ZNF385C: variants seen among roughly 807,000 people sequenced by gnomAD.
ZNF385C encodes the protein zinc finger protein 385C, also known as CTD-2132N18.2.
In ZNF385C, 28 loss-of-function variants were observed where a neutral mutation model predicts 35.4. The ratio of observed to expected loss-of-function variants is 0.79; its 90% CI spans 0.59 to 1.08. ZNF385C has a LOEUF of 1.08. Among genes scored for constraint, ZNF385C ranks in the 50% least tolerant of loss-of-function variants. The pLI is 0.00. For missense variants in ZNF385C, 605 were observed against 595.6 expected (o/e 1.02, Z -0.16); for synonymous variants, 248 against 248.2 (o/e 1.00, Z 0.01).
intron 2 of ZNF385C, among the ~76,000 whole-genome samples, chr17:42,056,009 T>G (rs1336177200): frequency 6.6e-6 from 1 of 152,208 alleles, no homozygotes; most frequent in Non-Finnish European, 1.5e-5. Flanking sequence ...ATAGTCTGAC[T>G]CGATCTCTGC....
In ZNF385C at chr17:42,027,547, C is replaced by T. The variant is rs181190891; in HGVS notation, c.1275+71G>A. On this transcript the variant is annotated intron_variant, in intron 8 of 8. Coordinates refer to ENST00000692273, the MANE Select transcript of ZNF385C (RefSeq NM_001392013.1). ...CTTTTCCTGCCCCACCGCAGCCCCC[C>T]CATCTGGCCCTCCCAGCCCACCCTC... The T allele has an allele frequency of 1.5e-5, 11 of 736,168 alleles. 1 individual carries two copies. The highest frequency in any genetic ancestry group is 1.8e-5 in the Non-Finnish European group (8 of 454,840). The allele number at this position is 736,168 out of a possible 1,614,324, so 45.6% of individuals were successfully genotyped here.
At chr17:42,093,268 C>T (rs2053881969) in intron 1 of ZNF385C, among the ~76,000 whole-genome samples, 1 of 152,208 alleles carries the variant, frequency 6.6e-6, no homozygotes, top group Admixed American at 6.5e-5. Context: ...CTGAGCTTGA[C>T]TGCTTCCAGG....
intron 1 of ZNF385C, among the ~76,000 whole-genome samples, chr17:42,068,937 G>A (rs186673654): frequency 4.6e-5 from 7 of 152,292 alleles, no homozygotes; most frequent in South Asian, 4.1e-4. Context: ...CCTGTGCCTC[G>A]CAGAGACGGG....
At chr17:42,055,560 G>A (rs1369999368) in intron 2 of ZNF385C, among the ~76,000 whole-genome samples, 1 of 152,166 alleles carries the variant, frequency 6.6e-6, no homozygotes, top group Admixed American at 6.5e-5. Context: ...AGTGGCCTTG[G>A]GGGAGCACAG....
intron 3 of ZNF385C, 142 bp downstream of exon 3, chr17:42,037,595 G>T: frequency 9.6e-7 from 1 of 1,039,778 alleles, no homozygotes; most frequent in East Asian, 3.0e-5. Flanking sequence ...CCCTATTTGG[G>T]GAGCACCTAT....
At chr17:42,096,933 G>T (rs1255211529) in intron 1 of ZNF385C, among the ~76,000 whole-genome samples, 2 of 150,882 alleles carry the variant, frequency 1.3e-5, no homozygotes, top group African/African-American at 4.9e-5. Flanking sequence ...CCCCTGGTAG[G>T]GGGGCATGCA....
At chr17:42,072,775 C>T (rs1374585527) in intron 1 of ZNF385C, among the ~76,000 whole-genome samples, 1 of 152,114 alleles carries the variant, frequency 6.6e-6, no homozygotes, top group East Asian at 1.9e-4. Flanking sequence ...AGCGGTGGGG[C>T]TCCCCGGGTG....
chr17:42,034,627 A>AG (rs57934959), intron 3 of ZNF385C, among the ~76,000 whole-genome samples: 109,677 of 150,334 alleles, frequency 0.73, 42,327 homozygotes, highest in South Asian at 0.85. Context: ...TAAAAAAAAA[A>AG]TACAAAATTA....
At chr17:42,032,599 C>T (rs2052756126) in intron 4 of ZNF385C, among the ~76,000 whole-genome samples, 1 of 152,192 alleles carries the variant, frequency 6.6e-6, no homozygotes, top group African/African-American at 2.4e-5. Flanking sequence ...AACATTCATC[C>T]CTTTGTTCAT....
intron 2 of ZNF385C, chr17:42,039,722 C>A: frequency 8.1e-7 from 1 of 1,232,524 alleles, no homozygotes; most frequent in Non-Finnish European, 1.0e-6. Context: ...AGCTGCGACC[C>A]CAGGAAGCCC....
chr17:42,070,966 T>C (rs2053616214), intron 1 of ZNF385C, among the ~76,000 whole-genome samples: 1 of 152,110 alleles, frequency 6.6e-6, no homozygotes, highest in Non-Finnish European at 1.5e-5. Context: ...GAAACAGCCC[T>C]CTTTAGTGGT....
chr17:42,083,741 C>G (rs1201645405), intron 1 of ZNF385C, among the ~76,000 whole-genome samples: 1 of 44,200 alleles, frequency 2.3e-5, no homozygotes, highest in Non-Finnish European at 4.0e-5. Context: ...TTTTTTGAGA[C>G]AGAGTCTCAC....
chr17:42,061,730 C>G (rs576606446), intron 2 of ZNF385C: 1 of 152,736 alleles, frequency 6.5e-6, no homozygotes, highest in African/African-American at 2.4e-5. Context: ...TGTTCCGAGG[C>G]TCAGCCCCCT....
At chr17:42,059,275 C>G (rs1555657798) in intron 2 of ZNF385C, among the ~76,000 whole-genome samples, 1 of 152,222 alleles carries the variant, frequency 6.6e-6, no homozygotes, top group Non-Finnish European at 1.5e-5. Flanking sequence ...TCTGCCTCCT[C>G]CTCTAGACTG....
At chr17:42,039,335 C>T (rs1555655802) in intron 2 of ZNF385C, 1 of 213,972 alleles carries the variant, frequency 4.7e-6, no homozygotes, top group African/African-American at 2.3e-5. Context: ...ACTCAATTTC[C>T]AAGACCTAGT....
At chr17:42,083,200 GTTT>G (rs1467374067) in intron 1 of ZNF385C, among the ~76,000 whole-genome samples, 1 of 151,372 alleles carries the variant, frequency 6.6e-6, no homozygotes, top group South Asian at 2.1e-4. Flanking sequence ...GTGACAAAAT[GTTT>G]TTTTGTTTTT....
chr17:42,057,623 G>A (rs976409822), intron 2 of ZNF385C, among the ~76,000 whole-genome samples: 1 of 151,968 alleles, frequency 6.6e-6, no homozygotes, highest in Non-Finnish European at 1.5e-5. Flanking sequence ...AGGCAAGGGG[G>A]TGAAAGAAGG....
At chr17:42,040,853 C>T in intron 2 of ZNF385C, 1 of 1,232,346 alleles carries the variant, frequency 8.1e-7, no homozygotes, top group Non-Finnish European at 1.0e-6. Flanking sequence ...CAATGCAGCT[C>T]TGCCAGCAGT....
chr17:42,027,551 C>CAAAGG, intron 8 of ZNF385C, 67 bp downstream of exon 8: 1 of 525,330 alleles, frequency 1.9e-6, no homozygotes, highest in Non-Finnish European at 3.5e-6. Context: ...GCCCCCCCAT[C>CAAAGG]TGGCCCTCCC....
Sources: gnomAD v4.1 joint callset for allele counts (sites outside exome capture counted in the v4.1 genomes callset) on GRCh38, gnomAD v4.1.1 for gene constraint, MANE v1.5 for transcripts, NCBI Gene and HGNC (gene_info 2026-07-23, HGNC 2026-07-21) for gene names.